The following SRD5A2 variants were observed in gnomAD, a reference collection of about 807,000 sequenced individuals.
SRD5A2 encodes the protein steroid 5 alpha-reductase 2, also known as 3-oxo-5-alpha-steroid 4-dehydrogenase 2.
SRD5A2 carries 30 observed loss-of-function variants against 27.4 expected under a neutral mutation model. The ratio of observed to expected loss-of-function variants is 1.10; its 90% CI spans 0.82 to 1.49. The LOEUF (loss-of-function observed/expected upper bound fraction) is 1.49. Among genes scored for constraint, SRD5A2 ranks in the 40% most tolerant of loss-of-function variants. The pLI, the probability that SRD5A2 is intolerant of heterozygous loss-of-function variation, is 0.00. For missense variants in SRD5A2, 348 were observed against 323.4 expected (o/e 1.08, Z -0.58); for synonymous variants, 141 against 133.6 (o/e 1.06, Z -0.38).
At chr2:31,612,974 A>G in the SRD5A2 span, among the ~76,000 whole-genome samples, 1 of 152,234 alleles carries the variant, frequency 6.6e-6, no homozygotes, top group East Asian at 1.9e-4. Flanking sequence ...ATGCAGAAGA[A>G]TGAAATTGGA....
chr2:31,643,305 C>A, the SRD5A2 span, among the ~76,000 whole-genome samples: 1 of 151,994 alleles, frequency 6.6e-6, no homozygotes, highest in South Asian at 2.1e-4. Context: ...ATATTCAAGA[C>A]AATTCGAGCC....
chr2:31,590,550 G>A, the SRD5A2 span, among the ~76,000 whole-genome samples: 1 of 152,138 alleles, frequency 6.6e-6, no homozygotes, highest in Admixed American at 6.5e-5. Context: ...AGCTACCAAT[G>A]ACTTTCTTCA....
Position 31,524,464 on chromosome 2 carries a change from G to A in SRD5A2, c.*1732C>T, listed in dbSNP as rs764383193. ...GAAGAGAGAAGAGAAGAAAGGAAAC[G>A]ACACTACAGACAGGGTGAATGGGAA... On this transcript the variant is annotated 3_prime_UTR_variant, in exon 5 of 5. Coordinates refer to ENST00000622030, the MANE Select transcript of SRD5A2 (RefSeq NM_000348.4). 6.1e-5 allele frequency: 14 copies of A among 228,562 alleles called. No homozygotes were observed. The highest frequency in any genetic ancestry group is 1.1e-4 in the African/African-American group (5 of 45,068). 14.2% of individuals were successfully genotyped at this position (228,562 alleles called of 1,614,324 possible).
At chr2:31,535,023 A>AT (rs397775368) in intron 1 of SRD5A2, among the ~76,000 whole-genome samples, 24,858 of 143,244 alleles carry the variant, frequency 0.17, 2,115 homozygotes, top group Middle Eastern at 0.22. Context: ...GTGTGAGTCA[A>AT]TTTTTTTTTT....
chr2:31,586,597 T>A, the SRD5A2 span, among the ~76,000 whole-genome samples: 1 of 152,188 alleles, frequency 6.6e-6, no homozygotes, highest in Non-Finnish European at 1.5e-5. Flanking sequence ...AATAAGAGTA[T>A]CTGCCTGGTA....
At chr2:31,581,780 C>T (rs1282886890), upstream of SRD5A2, among the ~76,000 whole-genome samples, 1 of 152,202 alleles carries the variant, frequency 6.6e-6, no homozygotes, top group Non-Finnish European at 1.5e-5. Context: ...CCTTTCCCAG[C>T]TCCTAGAGCC....
chr2:31,580,807 C>A lies in SRD5A2; in HGVS notation c.94G>T (p.Gly32Cys). Residue 32 changes from glycine to cysteine, a missense_variant, in exon 1 of 5, where the codon GGC becomes TGC. Gly to Cys is a radical substitution (Grantham distance 159). Coordinates refer to ENST00000622030, the MANE Select transcript of SRD5A2 (RefSeq NM_000348.4). ...AGGCTCTCCGTGTGCTTCCCGTAGC[C>A]GGAGGGCTTCGCGACGTACAAGGCC... Reference protein sequence around the residue: ...ALALYVAKPSGYGKHTESLKP... With the variant: ...ALALYVAKPSCYGKHTESLKP... 1.2e-6 allele frequency: 2 copies of A among 1,612,440 alleles called. No individual in the cohort carries two copies. The highest frequency in any genetic ancestry group is 1.7e-6 in the Non-Finnish European group (2 of 1,179,702).
the SRD5A2 span, among the ~76,000 whole-genome samples, chr2:31,605,785 T>G: frequency 6.6e-6 from 1 of 151,650 alleles, no homozygotes; most frequent in South Asian, 2.1e-4. Flanking sequence ...GATCCAGCAA[T>G]CCCACTGCTG....
chr2:31,612,516 G>A, the SRD5A2 span, among the ~76,000 whole-genome samples: 132 of 152,226 alleles, frequency 8.7e-4, no homozygotes, highest in African/African-American at 3.1e-3. Flanking sequence ...GAAAGAAATT[G>A]AAGATAGAAG....
At chr2:31,635,946 T>C in the SRD5A2 span, among the ~76,000 whole-genome samples, 2 of 151,980 alleles carry the variant, frequency 1.3e-5, no homozygotes, top group South Asian at 2.1e-4. Context: ...TGTTACTGTA[T>C]CTTTGTGGCA....
Position 31,529,298 on chromosome 2 carries a change from A to G in SRD5A2, c.698+9T>C. 1 of 1,613,710 alleles carries G rather than the reference A, an allele frequency of 6.2e-7. No individual in the cohort carries two copies. Among genetic ancestry groups the G allele is most frequent in the Non-Finnish European group, 8.5e-7 (1 of 1,179,784 alleles). ...ACGTGAATGCTGCCGCTTTTATTGAAAAATTTACCTATGGTGGTGAAAAGC... is the reference window on the plus strand; with the variant it reads ...ACGTGAATGCTGCCGCTTTTATTGAGAAATTTACCTATGGTGGTGAAAAGC... On this transcript the variant is annotated intron_variant, in intron 4 of 4. Coordinates refer to ENST00000622030, the MANE Select transcript of SRD5A2 (RefSeq NM_000348.4).
chr2:31,626,384 C>G, the SRD5A2 span, among the ~76,000 whole-genome samples: 1 of 152,146 alleles, frequency 6.6e-6, no homozygotes, highest in African/African-American at 2.4e-5. Context: ...GCCAGAACTT[C>G]CAATACTATG....
At chr2:31,526,317 G>T in intron 4 of SRD5A2, 55 bp from the exon 5 acceptor site, 1 of 1,187,372 alleles carries the variant, frequency 8.4e-7, no homozygotes, top group Non-Finnish European at 1.2e-6. Flanking sequence ...GCTGACAGCT[G>T]AGGTTTGCTC....
chr2:31,655,739 C>A, the SRD5A2 span, among the ~76,000 whole-genome samples: 1 of 152,178 alleles, frequency 6.6e-6, no homozygotes, highest in Non-Finnish European at 1.5e-5. Context: ...GTAGGCAGAA[C>A]TCCCCTCCAT....
At chr2:31,581,917 C>A (rs28382991), upstream of SRD5A2, among the ~76,000 whole-genome samples, 1,385 of 152,312 alleles carry the variant, frequency 9.1e-3, 20 homozygotes, top group South Asian at 0.028. Flanking sequence ...TATCCTCCAG[C>A]CCCTCCGTCT....
chr2:31,541,787 A>C (rs912543472), intron 1 of SRD5A2, among the ~76,000 whole-genome samples: 3 of 152,208 alleles, frequency 2.0e-5, no homozygotes. Context: ...TGGACAGTAC[A>C]GTGATTGTGG....
chr2:31,580,823 G>A lies in SRD5A2; in HGVS notation c.78C>T (p.Tyr26=), dbSNP rs104893667. 6.2e-7 allele frequency: 1 copy of A among 1,612,524 alleles called. No individual in the cohort carries two copies. The highest frequency in any genetic ancestry group is 8.5e-7 in the Non-Finnish European group (1 of 1,179,706). The part of the protein sequence containing the change: ...TLVALGALAL[Y]VAKPSGYGKH... ...TCCCGTAGCCGGAGGGCTTCGCGAC[G>A]TACAAGGCCAGTGCCCCAAGGGCGA... Residue 26 remains tyrosine (Y), a synonymous_variant, in exon 1 of 5, where the codon TAC becomes TAT. Transcript: ENST00000622030.
chr2:31,578,805 G>A (rs562269902), intron 1 of SRD5A2, among the ~76,000 whole-genome samples: 9 of 151,798 alleles, frequency 5.9e-5, no homozygotes, highest in South Asian at 4.2e-4. Context: ...TAAATGCACC[G>A]GTCATAATGT....
At chr2:31,629,864 G>C in the SRD5A2 span, among the ~76,000 whole-genome samples, 1 of 152,120 alleles carries the variant, frequency 6.6e-6, no homozygotes, top group African/African-American at 2.4e-5. Flanking sequence ...CTGCCTCCTA[G>C]GTACCAATGG....
Sources: allele counts gnomAD v4.1 joint callset (sites outside exome capture counted in the v4.1 genomes callset), GRCh38; gene constraint gnomAD v4.1.1; transcripts MANE v1.5; gene names NCBI Gene and HGNC (gene_info 2026-07-23, HGNC 2026-07-21).